Variants in WDR25 observed in about 807,000 individuals in gnomAD.
The protein encoded by WDR25 is WD repeat-containing protein 25.
WDR25 carries 35 observed loss-of-function variants against 47.7 expected under a neutral mutation model. That is an observed-to-expected ratio of 0.73 (90% CI 0.56 to 0.97). WDR25 has a LOEUF of 0.97. Among genes scored for constraint, WDR25 ranks in the 50% least tolerant of loss-of-function variants. WDR25 has a pLI of 0.00. For synonymous variants in WDR25, 248 were observed against 278.9 expected (o/e 0.89, Z 1.10); for missense variants, 634 against 704.7 (o/e 0.90, Z 1.14).
intron 2 of WDR25, among the ~76,000 whole-genome samples, chr14:100,461,205 G>C (rs1899402031): frequency 6.6e-6 from 1 of 152,130 alleles, no homozygotes; most frequent in Non-Finnish European, 1.5e-5. Flanking sequence ...AACAGAGCGA[G>C]ACCCTGACTT....
At chr14:100,466,589 C>T (rs1451473093) in intron 2 of WDR25, among the ~76,000 whole-genome samples, 6 of 152,214 alleles carry the variant, frequency 3.9e-5, no homozygotes, top group African/African-American at 1.4e-4. Flanking sequence ...TCACCACTGC[C>T]CTCGGGGTGG....
At chr14:100,438,600 A>T (rs1898571658) in intron 2 of WDR25, among the ~76,000 whole-genome samples, 1 of 152,206 alleles carries the variant, frequency 6.6e-6, no homozygotes, top group East Asian at 1.9e-4. Flanking sequence ...GCTGAGCCAG[A>T]GGAGGTTTTG....
intron 5 of WDR25, 80 bp from the exon 6 acceptor site, chr14:100,528,988 G>A: frequency 6.8e-7 from 1 of 1,475,834 alleles, no homozygotes. Context: ...CTAGGGTCTG[G>A]GAGCAGGCCC....
chr14:100,524,408 C>T (rs1324981269), intron 4 of WDR25, among the ~76,000 whole-genome samples: 1 of 152,140 alleles, frequency 6.6e-6, no homozygotes, highest in Non-Finnish European at 1.5e-5. Flanking sequence ...AGTGTTGAGG[C>T]TGGTGGGGGC....
intron 2 of WDR25, among the ~76,000 whole-genome samples, chr14:100,416,758 G>C (rs2140203289): frequency 6.6e-6 from 1 of 152,296 alleles, no homozygotes; most frequent in South Asian, 2.1e-4. Flanking sequence ...TCACTGGGGA[G>C]GGAGCACTGG....
At chr14:100,501,425 G>T (rs1900918925) in intron 4 of WDR25, among the ~76,000 whole-genome samples, 1 of 152,126 alleles carries the variant, frequency 6.6e-6, no homozygotes, top group Non-Finnish European at 1.5e-5. Flanking sequence ...AGCAGAGATT[G>T]TACCTTCCCC....
At chr14:100,493,164 CTCACTCAT>C (rs1392834410) in intron 4 of WDR25, among the ~76,000 whole-genome samples, 3 of 152,326 alleles carry the variant, frequency 2.0e-5, no homozygotes, top group East Asian at 1.9e-4. Context: ...TATTGTACAA[CTCACTCAT>C]TCACTCATTC....
intron 2 of WDR25, among the ~76,000 whole-genome samples, chr14:100,447,405 G>A (rs1182493725): frequency 3.9e-5 from 6 of 152,226 alleles, no homozygotes; most frequent in East Asian, 1.9e-4. Flanking sequence ...AGGGGGGCAC[G>A]TGTGCTGAGG....
At position 100,529,272 on chromosome 14, in the gene WDR25, G is replaced by A. The variant is rs1297318994; in HGVS notation, c.1413+64G>A. On this transcript the variant is annotated intron_variant, in intron 6 of 6. Coordinates refer to ENST00000402312, the MANE Select transcript of WDR25 (RefSeq NM_001161476.3). The surrounding 1 kb of genome is among the most constrained non-coding windows in gnomAD (Gnocchi z 5.1). ...CAGCCCCAAGCCTCCTGGCAGTCCT[G>A]GACATGGGCCCTGGGGTGCATGGAG... 1.9e-6 allele frequency: 3 copies of A among 1,604,334 alleles called. No individual in the cohort carries two copies. The highest frequency in any genetic ancestry group is 2.6e-6 in the Non-Finnish European group (3 of 1,176,448).
At chr14:100,396,577 G>A (rs980124633) in intron 2 of WDR25, among the ~76,000 whole-genome samples, 1 of 152,238 alleles carries the variant, frequency 6.6e-6, no homozygotes, top group Non-Finnish European at 1.5e-5. Context: ...AGTTCTTGCT[G>A]TCCAAGAGAA....
chr14:100,526,575 G>GC lies in WDR25; in HGVS notation c.1272+535_1272+536insC, dbSNP rs540476217. Among the ~76,000 whole-genome samples, 92 of 152,134 alleles carry GC rather than the reference G, an allele frequency of 6.0e-4. 3 individuals carry two copies. The East Asian group carries it at 0.013, about 21-fold the overall frequency. On this transcript the variant is annotated intron_variant, in intron 5 of 6. Transcript: ENST00000402312. ...AGTTTTGAGAATTAAGAGAGAGAGAGAATGTTTGTAAAGGGTATAGCACAG... is the reference window on the plus strand; with the variant it reads ...AGTTTTGAGAATTAAGAGAGAGAGAGCAATGTTTGTAAAGGGTATAGCACAG...
intron 2 of WDR25, chr14:100,454,544 A>G: frequency 7.3e-6 from 7 of 956,538 alleles, no homozygotes; most frequent in Non-Finnish European, 1.0e-5. Flanking sequence ...AAACTACCTG[A>G]AGGTATTGGA....
chr14:100,408,073 TG>T (rs1184687174), intron 2 of WDR25, among the ~76,000 whole-genome samples: 1 of 151,936 alleles, frequency 6.6e-6, no homozygotes, highest in African/African-American at 2.4e-5. Context: ...CCTATAGTCG[TG>T]GGGGCTTGGG....
chr14:100,379,684 A>G (rs907621122), intron 1 of WDR25, among the ~76,000 whole-genome samples: 1 of 151,066 alleles, frequency 6.6e-6, no homozygotes, highest in African/African-American at 2.4e-5. Flanking sequence ...CATCACGCCC[A>G]GCCTAGGTCT....
At chr14:100,456,416 A>G (rs151033373) in intron 2 of WDR25, among the ~76,000 whole-genome samples, 1 of 152,254 alleles carries the variant, frequency 6.6e-6, no homozygotes, top group Non-Finnish European at 1.5e-5. Context: ...AAGAAAAATC[A>G]GTCAATAGAT....
At chr14:100,472,915 C>G (rs1899892570) in intron 3 of WDR25, among the ~76,000 whole-genome samples, 1 of 152,254 alleles carries the variant, frequency 6.6e-6, no homozygotes, top group South Asian at 2.1e-4. Flanking sequence ...CAGCCTGCAG[C>G]TCTGCTGTCC....
chr14:100,530,176 T>C lies in WDR25; in HGVS notation c.*135T>C. 4.5e-6 allele frequency: 4 copies of C among 889,004 alleles called. No homozygotes were observed. In the East Asian group the frequency reaches 1.1e-4, roughly 24 times the overall value. 55.1% of individuals were successfully genotyped at this position (889,004 alleles called of 1,614,324 possible). ...CACCTTCTGAGCCTCAGTTTCCTCATCTGTAAAGTGGGGAGAAAAGTCTGT... is the reference window on the plus strand; with the variant it reads ...CACCTTCTGAGCCTCAGTTTCCTCACCTGTAAAGTGGGGAGAAAAGTCTGT... On this transcript the variant is annotated 3_prime_UTR_variant, in exon 7 of 7. Coordinates refer to ENST00000402312, the MANE Select transcript of WDR25 (RefSeq NM_001161476.3).
At chr14:100,446,550 CA>C (rs55946078) in intron 2 of WDR25, among the ~76,000 whole-genome samples, 29,446 of 74,990 alleles carry the variant, frequency 0.39, 3,378 homozygotes, top group South Asian at 0.57. Flanking sequence ...GACTCCATCT[CA>C]AAAAAAAAAA....
chr14:100,435,050 A>G (rs1898459356), intron 2 of WDR25, among the ~76,000 whole-genome samples: 1 of 152,150 alleles, frequency 6.6e-6, no homozygotes, highest in Non-Finnish European at 1.5e-5. Context: ...CTAGGTGCTA[A>G]TGACAGCACA....
Sources: allele counts gnomAD v4.1 joint callset (sites outside exome capture counted in the v4.1 genomes callset), GRCh38; gene constraint gnomAD v4.1.1; non-coding constraint Gnocchi (gnomAD v3.1); transcripts MANE v1.5; gene names NCBI Gene and HGNC (gene_info 2026-07-23, HGNC 2026-07-21).